Variants in SDF4 observed in about 807,000 individuals in gnomAD.
SDF4 encodes the protein stromal cell derived factor 4, also known as 45 kDa calcium-binding protein.
Under a neutral mutation model 34.2 loss-of-function variants are expected in SDF4, and 22 were observed. The observed-to-expected ratio is 0.64, with a 90% CI of 0.46 to 0.92. The LOEUF (loss-of-function observed/expected upper bound fraction) is 0.92. Ranked by LOEUF, SDF4 falls within the 40% of genes least tolerant of loss-of-function variation. The pLI, the probability that SDF4 is intolerant of heterozygous loss-of-function variation, is 0.00. For synonymous variants in SDF4, 236 were observed against 203.1 expected, an observed-to-expected ratio of 1.16 and a Z score of -1.38; for missense variants, 447 against 499.9, an observed-to-expected ratio of 0.89 and a Z score of 1.01.
chr1:1,222,239 C>G (rs1013665562), intron 4 of SDF4, among the ~76,000 whole-genome samples: 29 of 152,248 alleles, frequency 1.9e-4, no homozygotes, highest in Admixed American at 1.9e-3. Context: ...CCCAGGGTGG[C>G]AGCAACGCCA....
Position 1,223,818 on chromosome 1 carries a change from C to CCCCCCCCCCCCCCA in SDF4, c.442+13_442+14insTGGGGGGGGGGGGG. The CCCCCCCCCCCCCCA allele has an allele frequency of 6.7e-7, 1 of 1,489,488 alleles. No homozygotes were observed. Among genetic ancestry groups the CCCCCCCCCCCCCCA allele is most frequent in the South Asian group, 1.2e-5 (1 of 84,230 alleles). The allele number at this position is 1,489,488 out of a possible 1,614,324, so 92.3% of individuals were successfully genotyped here. A position where few individuals can be genotyped will look rare whatever the true frequency, so the allele number is the denominator to read the frequency against. On this transcript the variant is annotated intron_variant, in intron 3 of 6. Coordinates refer to ENST00000360001, the MANE Select transcript of SDF4 (RefSeq NM_016176.6). ...CCGCCCACCGCCCCACCCACCCCGG[C>CCCCCCCCCCCCCCA]CCAGCCACAGTACCGTCCCCGTCAG...
At chr1:1,220,562 C>T (rs567297558) in intron 4 of SDF4, 11 of 1,267,022 alleles carry the variant, frequency 8.7e-6, no homozygotes, top group South Asian at 2.5e-5. Context: ...ACCCTGAGGT[C>T]GGGGAGGCCA....
chr1:1,218,970 C>T lies in SDF4; in HGVS notation c.557-43G>A, dbSNP rs1570475257. The T allele has an allele frequency of 1.2e-6, 2 of 1,612,522 alleles. No individual in the cohort carries two copies. The highest frequency in any genetic ancestry group is 8.5e-7 in the Non-Finnish European group (1 of 1,179,818). On this transcript the variant is annotated intron_variant, in intron 4 of 6. Transcript: ENST00000360001. The surrounding 1 kb of genome is among the most constrained non-coding windows in gnomAD (Gnocchi z 7.9). ...TGTGGGTATCGAGGCCGACAGACGC[C>T]AGCACGCAAATCCAGAAAGTTCCGA...
At position 1,228,730 on chromosome 1, in the gene SDF4, A is replaced by G. The variant is rs1301496107; in HGVS notation, c.43T>C (p.Cys15Arg). 4.3e-6 allele frequency: 7 copies of G among 1,612,732 alleles called. No homozygotes were observed. The highest frequency in any genetic ancestry group is 3.3e-5 in the Admixed American group (2 of 60,016). ...AGGACTGCCCCCAGGAGCCAGAGGCAGCACGGAGCCAGGCCAATGAGGGGA... is the reference window on the plus strand; with the variant it reads ...AGGACTGCCCCCAGGAGCCAGAGGCGGCACGGAGCCAGGCCAATGAGGGGA... ...WGPLIGLAPC[C>R]LWLLGAVLLM... is the part of the protein sequence containing the mutation. The change falls in exon 2 of 7, where the codon TGC (cysteine) becomes CGC (arginine). Residue 15 changes from cysteine (C) to arginine (R), a missense_variant. Coordinates refer to ENST00000360001, the MANE Select transcript of SDF4 (RefSeq NM_016176.6).
At chr1:1,223,208 C>CT in intron 4 of SDF4, 36 bp downstream of exon 4, 1 of 1,449,020 alleles carries the variant, frequency 6.9e-7, no homozygotes, top group Non-Finnish European at 9.7e-7. Context: ...CACAGGATGC[C>CT]TGAGACCGGT....
rs1398365443 is a variant in SDF4 at position 1,228,537 on chromosome 1, T to C, written c.236A>G (p.Asp79Gly). 3.7e-6 allele frequency: 6 copies of C among 1,612,868 alleles called. No homozygotes were observed. In the South Asian group the frequency reaches 6.6e-5, roughly 18 times the overall value. ...GFHQEVFLGKDLGGFDEDAEP... is the reference protein window; with the variant it reads ...GFHQEVFLGKGLGGFDEDAEP... ...CGCGTCCTCATCAAAGCCACCCAGG[T>C]CCTTGCCTAGGAAGACCTCCTGGTG... is the stretch of plus-strand genomic sequence containing the variant. Residue 79 changes from aspartate to glycine, a missense_variant, in exon 2 of 7, where the codon GAC becomes GGC. Coordinates refer to ENST00000360001, the MANE Select transcript of SDF4 (RefSeq NM_016176.6).
At chr1:1,221,922 G>A (rs1315086697) in intron 4 of SDF4, among the ~76,000 whole-genome samples, 1 of 152,246 alleles carries the variant, frequency 6.6e-6, no homozygotes, top group Non-Finnish European at 1.5e-5. Context: ...TGCACTGCAG[G>A]CTGGGTAGCA....
At chr1:1,219,463 G>A (rs1267922416) in intron 4 of SDF4, 14 of 1,003,164 alleles carry the variant, frequency 1.4e-5, no homozygotes, top group Non-Finnish European at 1.7e-5. Context: ...GAAGGCTGAC[G>A]TGCGCACGGC....
rs370306848 is a variant in SDF4, at chr1:1,217,655, G to T, written c.925C>A (p.Leu309Met). 1 of 1,613,888 alleles carries T rather than the reference G, an allele frequency of 6.2e-7. No homozygotes were observed. Among genetic ancestry groups the T allele is most frequent in the Non-Finnish European group, 8.5e-7 (1 of 1,179,966 alleles). The change falls in exon 7 of 7, where the codon CTG becomes ATG. Residue 309 changes from leucine to methionine, a missense_variant. Physicochemically the swap from Leu to Met is conservative, Grantham distance 15 (BLOSUM62 2). Transcript: ENST00000360001. The surrounding 1 kb of genome is among the most constrained non-coding windows in gnomAD (Gnocchi z 8.5). The stretch of plus-strand genomic sequence containing the variant: ...GCGATCATCTGCTTGGCCTCGTTCA[G>T]CGCGTTGTACTCGTTCATGGGGTCC... ...YMDPMNEYNA[L>M]NEAKQMIAVA...
intron 2 of SDF4, among the ~76,000 whole-genome samples, chr1:1,225,814 G>A (rs1404373077): frequency 6.6e-6 from 1 of 152,160 alleles, no homozygotes; most frequent in Non-Finnish European, 1.5e-5. Context: ...CACACACGAG[G>A]CAGAGCAAAA....
intron 4 of SDF4, chr1:1,220,076 C>G (rs1269794387): frequency 1.0e-6 from 1 of 986,556 alleles, no homozygotes; most frequent in Non-Finnish European, 1.2e-6. Context: ...GGCACAGACG[C>G]CCCAGACAGG....
intron 1 of SDF4, among the ~76,000 whole-genome samples, chr1:1,231,302 C>A (rs1156431216): frequency 1.3e-5 from 2 of 152,226 alleles, no homozygotes; most frequent in South Asian, 2.1e-4. Context: ...CACACCCTTG[C>A]AAAACGGACG....
chr1:1,222,339 C>T (rs936591092), intron 4 of SDF4, among the ~76,000 whole-genome samples: 2 of 152,236 alleles, frequency 1.3e-5, no homozygotes, highest in African/African-American at 4.8e-5. Flanking sequence ...CAGGGTGGCC[C>T]GGCTCTCCCC....
intron 4 of SDF4, among the ~76,000 whole-genome samples, chr1:1,222,342 C>T (rs1160180641): frequency 6.6e-6 from 1 of 152,228 alleles, no homozygotes; most frequent in African/African-American, 2.4e-5. Context: ...GGTGGCCCGG[C>T]TCTCCCCTCA....
intron 2 of SDF4, among the ~76,000 whole-genome samples, chr1:1,225,290 C>A (rs1490328616): frequency 1.3e-5 from 2 of 152,232 alleles, no homozygotes; most frequent in Non-Finnish European, 2.9e-5. Flanking sequence ...TTGCCGGAGG[C>A]ATCCCCGAGA....
Position 1,218,850 on chromosome 1 carries a change from C to A in SDF4, c.634G>T (p.Glu212Ter), listed in dbSNP as rs772593150. The A allele has an allele frequency of 1.9e-6, 3 of 1,598,944 alleles. No individual in the cohort carries two copies. Among genetic ancestry groups the A allele is most frequent in the Non-Finnish European group, 2.6e-6 (3 of 1,169,730 alleles). ...GGGTGGAGGAACGACAGGAACTCCT[C>A]CTCCGTCAGCAGCAGGTCTGCAGGG... is the stretch of plus-strand genomic sequence containing the variant. Reference protein sequence around the residue: ...SPPADLLLTEEEFLSFLHPEH... With the variant: ...SPPADLLLTE The change falls in exon 5 of 7, where the codon GAG (glutamate) becomes TAG (stop). Residue 212 changes from glutamate to a stop codon, truncating the protein, a stop_gained. Transcript: ENST00000360001. LOFTEE classifies it high-confidence loss of function. The surrounding 1 kb of genome is among the most constrained non-coding windows in gnomAD (Gnocchi z 7.9).
intron 4 of SDF4, 56 bp downstream of exon 4, chr1:1,223,188 C>G: frequency 8.5e-7 from 1 of 1,182,676 alleles, no homozygotes; most frequent in Admixed American, 1.7e-5. Flanking sequence ...ACACAACACA[C>G]GCGCGCACAC....
rs1638388367 is a variant in SDF4, at chr1:1,228,594, A to T, written c.179T>A (p.Leu60Gln). Residue 60 changes from leucine to glutamine, a missense_variant, in exon 2 of 7, where the codon CTG (leucine) becomes CAG (glutamine). Coordinates refer to ENST00000360001, the MANE Select transcript of SDF4 (RefSeq NM_016176.6). ...GCGATTGAGGTGCCCGTCCATCTCC[A>T]GCTTCACCCCGTTCAGGTGGTCTGG... The part of the protein sequence containing the change: ...LPPDHLNGVK[L>Q]EMDGHLNRGF... The T allele has an allele frequency of 6.2e-7, 1 of 1,613,096 alleles. No homozygotes were observed. Among genetic ancestry groups the T allele is most frequent in the Non-Finnish European group, 8.5e-7 (1 of 1,180,024 alleles).
intron 1 of SDF4, among the ~76,000 whole-genome samples, chr1:1,230,969 AT>A (rs1246250230): frequency 6.6e-6 from 1 of 152,206 alleles, no homozygotes; most frequent in Admixed American, 6.5e-5. Flanking sequence ...CTAGTTCTTG[AT>A]TCTACATATC....
Sources: gnomAD v4.1 joint callset for allele counts (sites outside exome capture counted in the v4.1 genomes callset) on GRCh38, gnomAD v4.1.1 for gene constraint, Gnocchi (gnomAD v3.1) non-coding constraint, MANE v1.5 for transcripts, NCBI Gene and HGNC (gene_info 2026-07-23, HGNC 2026-07-21) for gene names.